KCTD8: variants seen among roughly 807,000 people sequenced by gnomAD.
The protein encoded by KCTD8 is BTB/POZ domain-containing protein KCTD8.
Under a neutral mutation model 31.5 loss-of-function variants are expected in KCTD8, and 27 were observed. That is an observed-to-expected ratio of 0.86 (90% CI 0.63 to 1.18). The LOEUF is 1.18. KCTD8 is among the 50% of genes most tolerant of loss of function. The probability of loss-of-function intolerance (pLI) is 0.00; values close to 1 mark genes in which losing one functional copy is unlikely to be tolerated. For synonymous variants in KCTD8, 290 were observed against 280.0 expected (o/e 1.04, Z -0.36); for missense variants, 658 against 647.7 (o/e 1.02, Z -0.17).
Position 44,414,842 on chromosome 4 carries a change from A to C in KCTD8, c.961+32721T>G, listed in dbSNP as rs28572622. 6.8e-3 allele frequency among the ~76,000 whole-genome samples: 1,035 copies of C among 152,250 alleles called. 13 individuals carry two copies. Among genetic ancestry groups the C allele is most frequent in the African/African-American group, 0.024 (989 of 41,548 alleles). ...TAGTGCCATCCCCTTGGTAGCACTA[A>C]CTTGGTACTGAGGAGTCAGCTGTTG... On this transcript the variant is annotated intron_variant, in intron 1 of 1. Coordinates refer to ENST00000360029, the MANE Select transcript of KCTD8 (RefSeq NM_198353.3).
chr4:44,293,409 G>C, intron 1 of KCTD8: 1 of 454,868 alleles, frequency 2.2e-6, no homozygotes, highest in Non-Finnish European at 4.4e-6. Flanking sequence ...CTTACCTGCT[G>C]CCAAGCATCT....
intron 1 of KCTD8, among the ~76,000 whole-genome samples, chr4:44,320,368 C>A (rs1419300725): frequency 6.6e-6 from 1 of 151,856 alleles, no homozygotes; most frequent in African/African-American, 2.4e-5. Context: ...AAATTTGCAA[C>A]TAAGTTCTTT....
intron 1 of KCTD8, among the ~76,000 whole-genome samples, chr4:44,294,334 C>A (rs934560099): frequency 6.6e-6 from 1 of 152,136 alleles, no homozygotes; most frequent in Non-Finnish European, 1.5e-5. Context: ...CTATGAGCCA[C>A]CAAAGCACTC....
intron 1 of KCTD8, among the ~76,000 whole-genome samples, chr4:44,328,791 AATCT>A (rs1167791772): frequency 6.6e-6 from 1 of 151,836 alleles, no homozygotes; most frequent in East Asian, 1.9e-4. Flanking sequence ...AAAATCCATT[AATCT>A]ATTAAAATTG....
chr4:44,246,439 G>A (rs767996419), intron 1 of KCTD8, among the ~76,000 whole-genome samples: 1 of 151,840 alleles, frequency 6.6e-6, no homozygotes, highest in Non-Finnish European at 1.5e-5. Flanking sequence ...CAAGGAATAT[G>A]CTCCATTGCT....
At chr4:44,259,202 T>C (rs1716089009) in intron 1 of KCTD8, among the ~76,000 whole-genome samples, 1 of 151,786 alleles carries the variant, frequency 6.6e-6, no homozygotes, top group Non-Finnish European at 1.5e-5. Flanking sequence ...TTGATCATTG[T>C]TTGCTTTGTG....
chr4:44,232,983 C>T (rs1010197946), intron 1 of KCTD8, among the ~76,000 whole-genome samples: 4 of 151,742 alleles, frequency 2.6e-5, no homozygotes, highest in South Asian at 4.1e-4. Context: ...TTTCATAAAA[C>T]GTTTTTTGAT....
chr4:44,446,802 C>T (rs1721949234), intron 1 of KCTD8, among the ~76,000 whole-genome samples: 1 of 152,168 alleles, frequency 6.6e-6, no homozygotes, highest in Admixed American at 6.5e-5. Flanking sequence ...TCCCTCCTCC[C>T]TTGCCCCTCC....
At chr4:44,265,397 C>A (rs1252547519) in intron 1 of KCTD8, among the ~76,000 whole-genome samples, 1 of 152,078 alleles carries the variant, frequency 6.6e-6, no homozygotes, top group African/African-American at 2.4e-5. Flanking sequence ...ATCTGTACAT[C>A]ACCATCATCA....
intron 1 of KCTD8, among the ~76,000 whole-genome samples, chr4:44,406,726 C>A (rs1408627452): frequency 3.3e-5 from 5 of 151,818 alleles, no homozygotes; most frequent in Non-Finnish European, 7.4e-5. Flanking sequence ...CAACCTTGAC[C>A]AAAAAAATTA....
Position 44,447,611 on chromosome 4 carries a change from A to G in KCTD8, c.913T>C (p.Tyr305His). 6.2e-7 allele frequency: 1 copy of G among 1,604,986 alleles called. No homozygotes were observed. The highest frequency in any genetic ancestry group is 8.5e-7 in the Non-Finnish European group (1 of 1,176,066). Residue 305 changes from tyrosine to histidine, a missense_variant, in exon 1 of 2, where the codon TAC (tyrosine) becomes CAC (histidine). By Grantham distance (83) the Tyr-to-His change is moderately conservative (BLOSUM62 2). Transcript: ENST00000360029. ...SSGTAAFVNQ[Y>H]RDDKIWSSYT... ...CTGCTCCAGATCTTGTCGTCGCGGTACTGGTTGACGAAGGCGGCGGTGCCC... is the reference window on the plus strand; with the variant it reads ...CTGCTCCAGATCTTGTCGTCGCGGTGCTGGTTGACGAAGGCGGCGGTGCCC...
chr4:44,290,843 C>T (rs569044617), intron 1 of KCTD8, among the ~76,000 whole-genome samples: 55 of 152,002 alleles, frequency 3.6e-4, no homozygotes, highest in African/African-American at 1.2e-3. Context: ...GAAATAAACG[C>T]CTTCATCAAG....
chr4:44,177,486 T>C (rs938969118), intron 1 of KCTD8, among the ~76,000 whole-genome samples: 6 of 152,132 alleles, frequency 3.9e-5, no homozygotes, highest in African/African-American at 1.4e-4. Context: ...TTGTAACTCC[T>C]ACAACTCCCA....
At chr4:44,424,261 G>A (rs750769243) in intron 1 of KCTD8, among the ~76,000 whole-genome samples, 1 of 151,970 alleles carries the variant, frequency 6.6e-6, no homozygotes, top group African/African-American at 2.4e-5. Context: ...CACTTCCTCT[G>A]GTCATTCAGC....
chr4:44,222,191 T>A (rs1216502760), intron 1 of KCTD8, among the ~76,000 whole-genome samples: 1 of 152,118 alleles, frequency 6.6e-6, no homozygotes, highest in Non-Finnish European at 1.5e-5. Context: ...ATTATAGAGG[T>A]TAGTCATTAT....
intron 1 of KCTD8, among the ~76,000 whole-genome samples, chr4:44,352,887 T>C (rs1719249782): frequency 6.6e-6 from 1 of 152,006 alleles, no homozygotes; most frequent in Non-Finnish European, 1.5e-5. Flanking sequence ...TCTCTCCCAC[T>C]ATAATATCAA....
At chr4:44,357,888 T>A (rs1318641526) in intron 1 of KCTD8, among the ~76,000 whole-genome samples, 1 of 150,860 alleles carries the variant, frequency 6.6e-6, no homozygotes, top group Non-Finnish European at 1.5e-5. Flanking sequence ...TAAATATTCT[T>A]TTATTATTAT....
rs142034738 is a variant in KCTD8, at chr4:44,403,829, T to C, written c.961+43734A>G. On this transcript the variant is annotated intron_variant, in intron 1 of 1. Transcript: ENST00000360029. ...GTACTAAGAGTACGGAGCCAAAAAA[T>C]GTAATGTAAAGGGTAATAAAGACAT... Among the ~76,000 whole-genome samples, 500 of 151,954 alleles carry C rather than the reference T, an allele frequency of 3.3e-3. 3 individuals are homozygous for C. The highest frequency in any genetic ancestry group is 6.6e-3 in the Admixed American group (101 of 15,252).
At chr4:44,274,994 G>T (rs1211337881) in intron 1 of KCTD8, among the ~76,000 whole-genome samples, 1 of 151,884 alleles carries the variant, frequency 6.6e-6, no homozygotes, top group Non-Finnish European at 1.5e-5. Context: ...TACCCAGAAT[G>T]GCTTTTAGAA....
Sources: allele counts gnomAD v4.1 joint callset (sites outside exome capture counted in the v4.1 genomes callset), GRCh38; gene constraint gnomAD v4.1.1; transcripts MANE v1.5; gene names NCBI Gene and HGNC (gene_info 2026-07-23, HGNC 2026-07-21).